Variants in DOCK9 observed in about 807,000 individuals in gnomAD.
The protein encoded by DOCK9 is dedicator of cytokinesis protein 9.
DOCK9 carries 89 observed loss-of-function variants against 263.3 expected under a neutral mutation model. The observed-to-expected ratio is 0.34, with a 90% confidence interval of 0.28 to 0.40. The LOEUF (loss-of-function observed/expected upper bound fraction) is 0.40, where lower values mean the gene tolerates loss of function less well. Among genes scored for constraint, DOCK9 ranks in the 10% least tolerant of loss-of-function variants. The pLI is 1.00. For synonymous variants in DOCK9, 976 were observed against 973.1 expected (o/e 1.00, Z -0.06); for missense variants, 2,140 against 2,603.4 (o/e 0.82, Z 3.87).
chr13:98,870,077 G>A (rs2094148087), intron 27 of DOCK9, among the ~76,000 whole-genome samples: 1 of 152,156 alleles, frequency 6.6e-6, no homozygotes, highest in Non-Finnish European at 1.5e-5. Flanking sequence ...GCCTGTTTTT[G>A]AGCAGCCAAA....
At chr13:98,882,957 G>T (rs1159811390) in intron 23 of DOCK9, 85 bp downstream of exon 23, 2 of 1,129,000 alleles carry the variant, frequency 1.8e-6, no homozygotes, top group Admixed American at 4.9e-5. Flanking sequence ...CTTCCAAGGG[G>T]TGAGAACACC....
chr13:98,991,541 T>TA (rs1465931194), intron 1 of DOCK9, among the ~76,000 whole-genome samples: 2 of 152,090 alleles, frequency 1.3e-5, no homozygotes, highest in Non-Finnish European at 2.9e-5. Flanking sequence ...TAAAATATCT[T>TA]AAGAGTTTTT....
intron 33 of DOCK9, chr13:98,860,057 A>G (rs2093816463): frequency 2.1e-6 from 1 of 467,608 alleles, no homozygotes; most frequent in Non-Finnish European, 3.1e-6. Context: ...TAACACTACA[A>G]ATCAGTGTTC....
At chr13:98,929,279 A>C (rs1236726517) in intron 3 of DOCK9, among the ~76,000 whole-genome samples, 3 of 152,254 alleles carry the variant, frequency 2.0e-5, no homozygotes, top group Non-Finnish European at 4.4e-5. Context: ...ACAGTGGCTC[A>C]TGCCAGTAAT....
chr13:98,834,971 A>G (rs531778587), intron 39 of DOCK9, among the ~76,000 whole-genome samples: 52 of 152,182 alleles, frequency 3.4e-4, no homozygotes, highest in Non-Finnish European at 4.6e-4. Flanking sequence ...ATCTTGGGCA[A>G]ATTTCCTAAT....
At chr13:98,794,991 G>A (rs184084337) in intron 52 of DOCK9, among the ~76,000 whole-genome samples, 4 of 152,314 alleles carry the variant, frequency 2.6e-5, no homozygotes, top group Admixed American at 1.3e-4. Flanking sequence ...ATGTGCAGCC[G>A]GAAAGCCTGG....
intron 9 of DOCK9, among the ~76,000 whole-genome samples, chr13:98,911,545 A>G (rs1595229371): frequency 6.6e-6 from 1 of 152,206 alleles, no homozygotes; most frequent in East Asian, 1.9e-4. Context: ...TAAATAGTAC[A>G]TTGCCCTTAA....
In DOCK9 at chr13:98,881,672, G is replaced by T. The variant is rs747305790; in HGVS notation, c.2676-45C>A. ...ATAAAGCAAAGAATATGTAAAAATG[G>T]AAACATTTCATTATTATCACAGCAG... On this transcript the variant is annotated intron_variant, in intron 24 of 52. Coordinates refer to ENST00000682017, the MANE Select transcript of DOCK9 (RefSeq NM_001366683.2). 1.9e-6 allele frequency: 3 copies of T among 1,542,636 alleles called. No individual in the cohort carries two copies. In the South Asian group the frequency reaches 3.6e-5, roughly 18 times the overall value.
chr13:98,959,817 G>A (rs535031325), intron 1 of DOCK9, among the ~76,000 whole-genome samples: 1 of 152,326 alleles, frequency 6.6e-6, no homozygotes, highest in East Asian at 1.9e-4. Flanking sequence ...TCTGTGGGAA[G>A]TCACACCACT....
chr13:98,995,581 C>A (rs867081718), intron 1 of DOCK9, among the ~76,000 whole-genome samples: 2 of 151,080 alleles, frequency 1.3e-5, no homozygotes, highest in Admixed American at 6.6e-5. Flanking sequence ...CTCCGCCCCC[C>A]GAGTTCACAC....
chr13:98,843,461 C>A (rs957507560), intron 38 of DOCK9, among the ~76,000 whole-genome samples: 5 of 152,076 alleles, frequency 3.3e-5, no homozygotes, highest in African/African-American at 7.3e-5. Flanking sequence ...AAAGAGCTAG[C>A]GGAGGGAAAA....
chr13:99,039,568 T>C (rs983001132), intron 1 of DOCK9, among the ~76,000 whole-genome samples: 1 of 152,214 alleles, frequency 6.6e-6, no homozygotes, highest in African/African-American at 2.4e-5. Flanking sequence ...TGCAAAATGA[T>C]GCCATTGGGT....
At chr13:98,921,186 G>A in intron 6 of DOCK9, 98 bp from the exon 7 acceptor site, 1 of 1,248,110 alleles carries the variant, frequency 8.0e-7, no homozygotes, top group Non-Finnish European at 1.1e-6. Context: ...CATAAAACCT[G>A]TTTCCGTTCT....
At chr13:98,880,022 G>C in intron 26 of DOCK9, 53 bp from the exon 27 acceptor site, 1 of 1,352,364 alleles carries the variant, frequency 7.4e-7, no homozygotes, top group Non-Finnish European at 1.0e-6. Context: ...TGGTAGGTAA[G>C]ACATGAACTC....
intron 33 of DOCK9, chr13:98,860,075 CCCA>C: frequency 2.8e-6 from 2 of 708,474 alleles, no homozygotes; most frequent in Non-Finnish European, 3.8e-6. Flanking sequence ...TTCCCCTCCC[CCCA>C]CCACCTGCAA....
intron 1 of DOCK9, among the ~76,000 whole-genome samples, chr13:99,074,573 T>C (rs57895469): frequency 6.6e-6 from 1 of 152,206 alleles, no homozygotes; most frequent in African/African-American, 2.4e-5. Flanking sequence ...GTCATTTGGT[T>C]CCTGACTAGC....
intron 1 of DOCK9, among the ~76,000 whole-genome samples, chr13:99,068,162 T>C (rs926085634): frequency 6.6e-6 from 1 of 152,222 alleles, no homozygotes; most frequent in African/African-American, 2.4e-5. Context: ...TTTTCTCTCA[T>C]GCCACCTCTT....
At chr13:98,806,036 T>C (rs1248816417) in intron 48 of DOCK9, among the ~76,000 whole-genome samples, 1 of 152,120 alleles carries the variant, frequency 6.6e-6, no homozygotes, top group Admixed American at 6.5e-5. Context: ...CTGGTTTTCT[T>C]ATTGAATGAC....
At chr13:98,878,232 AT>A (rs1174400826) in intron 27 of DOCK9, among the ~76,000 whole-genome samples, 1 of 152,148 alleles carries the variant, frequency 6.6e-6, no homozygotes, top group Non-Finnish European at 1.5e-5. Context: ...ATAAATTTCT[AT>A]TTTTTAAGCC....
Sources: gnomAD v4.1 joint callset for allele counts (sites outside exome capture counted in the v4.1 genomes callset) on GRCh38, gnomAD v4.1.1 for gene constraint, MANE v1.5 for transcripts, NCBI Gene and HGNC (gene_info 2026-07-23, HGNC 2026-07-21) for gene names.